The following LHFPL6 variants were observed in gnomAD, a reference collection of about 807,000 sequenced individuals.
The protein encoded by LHFPL6 is LHFPL tetraspan subfamily member 6.
Under a neutral mutation model 20.6 loss-of-function variants are expected in LHFPL6, and 9 were observed. The observed-to-expected ratio is 0.44, with a 90% CI of 0.26 to 0.76. The LOEUF (loss-of-function observed/expected upper bound fraction) is 0.76, where lower values mean the gene tolerates loss of function less well. LHFPL6 is among the 30% of genes least tolerant of loss of function. LHFPL6 has a pLI of 0.20. For synonymous variants in LHFPL6, 105 were observed against 98.7 expected (o/e 1.06, Z -0.38); for missense variants, 218 against 253.5 (o/e 0.86, Z 0.95).
intron 3 of LHFPL6, among the ~76,000 whole-genome samples, chr13:39,354,933 T>G (rs1343560277): frequency 6.6e-6 from 1 of 151,604 alleles, no homozygotes; most frequent in African/African-American, 2.4e-5. Context: ...TACGACTCAC[T>G]GGCATTTCTG....
rs557690730 is a variant in LHFPL6, at chr13:39,601,193, A to G, written c.24T>C (p.Thr8=). ...AAGACAGCAAAGCCCAGATTACTCC[A>G]GTACAAGTCAGGCTGGATGCCATCT... The part of the protein sequence containing the change: MASSLTC[T]GVIWALLSFL... The change falls in exon 2 of 4, where the codon ACT becomes ACC. Residue 8 remains threonine, a synonymous_variant. Coordinates refer to ENST00000379589, the MANE Select transcript of LHFPL6 (RefSeq NM_005780.3). 10 of 1,612,530 alleles carry G rather than the reference A, an allele frequency of 6.2e-6. No homozygotes were observed. The East Asian group carries it at 1.8e-4, about 29-fold the overall frequency.
intron 2 of LHFPL6, among the ~76,000 whole-genome samples, chr13:39,536,134 C>T (rs1870611034): frequency 6.6e-6 from 1 of 152,114 alleles, no homozygotes; most frequent in Admixed American, 6.6e-5. Flanking sequence ...AAGTAGTAAG[C>T]TTTCAGTATC....
chr13:39,424,118 CA>C (rs1871575544), intron 2 of LHFPL6, among the ~76,000 whole-genome samples: 1 of 152,026 alleles, frequency 6.6e-6, no homozygotes, highest in Non-Finnish European at 1.5e-5. Flanking sequence ...AGAGCACATA[CA>C]AAATAGTTAT....
intron 2 of LHFPL6, among the ~76,000 whole-genome samples, chr13:39,570,559 G>T (rs2138529979): frequency 6.6e-6 from 1 of 150,398 alleles, no homozygotes; most frequent in East Asian, 1.9e-4. Flanking sequence ...AAAATAAAAT[G>T]ATAATCTTAT....
At chr13:39,560,617 C>T (rs891047938) in intron 2 of LHFPL6, among the ~76,000 whole-genome samples, 4 of 150,774 alleles carry the variant, frequency 2.7e-5, no homozygotes, top group Non-Finnish European at 5.9e-5. Context: ...CGGGTTCACG[C>T]CATTCTCCTA....
intron 2 of LHFPL6, among the ~76,000 whole-genome samples, chr13:39,509,461 A>G (rs1365095197): frequency 6.6e-6 from 1 of 152,084 alleles, no homozygotes; most frequent in Non-Finnish European, 1.5e-5. Context: ...TTAACTCTGG[A>G]TTAAGGTATG....
At chr13:39,593,712 A>G (rs1872681692) in intron 2 of LHFPL6, among the ~76,000 whole-genome samples, 1 of 152,096 alleles carries the variant, frequency 6.6e-6, no homozygotes, top group Non-Finnish European at 1.5e-5. Context: ...CTGACTTCAA[A>G]CTATACTACA....
At chr13:39,467,909 T>C (rs1872844218) in intron 2 of LHFPL6, among the ~76,000 whole-genome samples, 1 of 152,174 alleles carries the variant, frequency 6.6e-6, no homozygotes, top group Non-Finnish European at 1.5e-5. Context: ...GAGTGATCAC[T>C]TTCCCGTGAT....
intron 2 of LHFPL6, among the ~76,000 whole-genome samples, chr13:39,511,438 C>T (rs928377138): frequency 6.7e-6 from 1 of 150,306 alleles, no homozygotes; most frequent in Non-Finnish European, 1.5e-5. Flanking sequence ...TTCTTTGTTC[C>T]TAACCCCTGT....
At chr13:39,449,831 A>G (rs1872394139) in intron 2 of LHFPL6, among the ~76,000 whole-genome samples, 1 of 102,686 alleles carries the variant, frequency 9.7e-6, no homozygotes, top group African/African-American at 4.4e-5. Flanking sequence ...TTCTGAAAGT[A>G]GCAAAAAAAA....
chr13:39,471,189 G>A (rs1359314680), intron 2 of LHFPL6, among the ~76,000 whole-genome samples: 1 of 152,192 alleles, frequency 6.6e-6, no homozygotes, highest in Non-Finnish European at 1.5e-5. Flanking sequence ...GAAGATGCCT[G>A]CACTGAATAT....
At chr13:39,495,213 C>A (rs1231949587) in intron 2 of LHFPL6, among the ~76,000 whole-genome samples, 1 of 152,208 alleles carries the variant, frequency 6.6e-6, no homozygotes, top group African/African-American at 2.4e-5. Context: ...GACCTTGTAA[C>A]ACATTTTATT....
chr13:39,483,483 A>ATTTT (rs34041103), intron 2 of LHFPL6, among the ~76,000 whole-genome samples: 8,723 of 137,700 alleles, frequency 0.063, 438 homozygotes, highest in African/African-American at 0.13. Flanking sequence ...CCTCATTACA[A>ATTTT]TTTTTTTTTT....
chr13:39,511,016 G>A (rs994993704), intron 2 of LHFPL6, among the ~76,000 whole-genome samples: 9 of 152,010 alleles, frequency 5.9e-5, no homozygotes, highest in South Asian at 2.1e-4. Flanking sequence ...GAAATTACAG[G>A]TGCCCACCAC....
At chr13:39,481,608 G>A (rs1868528908) in intron 2 of LHFPL6, among the ~76,000 whole-genome samples, 2 of 152,030 alleles carry the variant, frequency 1.3e-5, no homozygotes, top group Non-Finnish European at 2.9e-5. Flanking sequence ...GGACATAAAG[G>A]ACTTTAAATA....
intron 3 of LHFPL6, among the ~76,000 whole-genome samples, chr13:39,374,897 A>C (rs1870247534): frequency 6.6e-6 from 1 of 152,202 alleles, no homozygotes; most frequent in Non-Finnish European, 1.5e-5. Flanking sequence ...CTGGCTCATT[A>C]TAAGCACTCC....
intron 3 of LHFPL6, among the ~76,000 whole-genome samples, chr13:39,357,067 G>C (rs1018383859): frequency 6.6e-6 from 1 of 152,140 alleles, no homozygotes; most frequent in African/African-American, 2.4e-5. Flanking sequence ...AACTACTAGG[G>C]AGGCTGAGGT....
intron 2 of LHFPL6, among the ~76,000 whole-genome samples, chr13:39,525,588 C>A (rs1200697220): frequency 6.6e-6 from 1 of 151,904 alleles, no homozygotes; most frequent in East Asian, 1.9e-4. Flanking sequence ...TGGAAGGTGA[C>A]CAGTAAATTC....
intron 2 of LHFPL6, among the ~76,000 whole-genome samples, chr13:39,406,546 A>G (rs1871115228): frequency 6.6e-6 from 1 of 152,182 alleles, no homozygotes; most frequent in Non-Finnish European, 1.5e-5. Flanking sequence ...ATTCTTGTAA[A>G]TGCAACAAAT....
Sources: gnomAD v4.1 joint callset for allele counts (sites outside exome capture counted in the v4.1 genomes callset) on GRCh38, gnomAD v4.1.1 for gene constraint, MANE v1.5 for transcripts, NCBI Gene and HGNC (gene_info 2026-07-23, HGNC 2026-07-21) for gene names.